SCGB2B2: variants seen among roughly 807,000 people sequenced by gnomAD.
The protein encoded by SCGB2B2 is secretoglobin-like protein.
Under a neutral mutation model 7.6 loss-of-function variants are expected in SCGB2B2, and 11 were observed. The ratio of observed to expected loss-of-function variants is 1.45; its 90% CI spans 0.91 to 2.40. SCGB2B2 has a LOEUF of 2.40. Ranked by LOEUF, SCGB2B2 falls within the 30% of genes most tolerant of loss-of-function variation. SCGB2B2 has a pLI of 0.00. For synonymous variants in SCGB2B2, 50 were observed against 48.6 expected (o/e 1.03, Z -0.12); for missense variants, 104 against 115.4 (o/e 0.90, Z 0.45).
rs542323922 is a variant in SCGB2B2, at chr19:34,607,199, G to A, written c.-2031-10605C>T. ...GGCATAATGTCCTACAGGTTCATCC[G>A]TATTGTTGAAAGGAGCAGGATTTCT... On this transcript the variant is annotated intron_variant, in intron 1 of 3. Transcript: ENST00000601241. Among the ~76,000 whole-genome samples, 178 of 152,320 alleles carry A rather than the reference G, an allele frequency of 1.2e-3. 1 individual carries two copies. Among genetic ancestry groups the A allele is most frequent in the African/African-American group, 4.0e-3 (165 of 41,566 alleles).
chr19:34,658,834 A>AAAG (rs1555749405), intron 1 of SCGB2B2, among the ~76,000 whole-genome samples: 18 of 118,818 alleles, frequency 1.5e-4, no homozygotes, highest in Non-Finnish European at 3.1e-4. Flanking sequence ...AAAAAAAAAA[A>AAAG]AGAGAGAGAA....
chr19:34,597,010 C>T (rs550424802), intron 1 of SCGB2B2, among the ~76,000 whole-genome samples: 1 of 151,588 alleles, frequency 6.6e-6, no homozygotes, highest in African/African-American at 2.4e-5. Context: ...GGACCTGAGG[C>T]CCCTCTGGGC....
At chr19:34,657,508 C>T (rs1054840782) in intron 1 of SCGB2B2, among the ~76,000 whole-genome samples, 1 of 151,788 alleles carries the variant, frequency 6.6e-6, no homozygotes, top group African/African-American at 2.4e-5. Flanking sequence ...CAAAGAAGGC[C>T]ACTACATAAT....
rs1368548597 is a variant in SCGB2B2, at chr19:34,626,640, C to T, written c.-2031-30046G>A. Among the ~76,000 whole-genome samples the T allele has an allele frequency of 2.0e-5, 3 of 152,084 alleles. No homozygotes were observed. In the East Asian group the frequency reaches 5.8e-4, roughly 29 times the overall value. ...ACCAAATCTATGTCTGATTGGTGTA[C>T]CTGAAAGTGATGGGGAGAATGGAAC... is the stretch of plus-strand genomic sequence containing the variant. On this transcript the variant is annotated intron_variant, in intron 1 of 3. Transcript: ENST00000601241.
At chr19:34,654,884 A>G (rs1355418484) in intron 1 of SCGB2B2, among the ~76,000 whole-genome samples, 1 of 151,160 alleles carries the variant, frequency 6.6e-6, no homozygotes, top group Non-Finnish European at 1.5e-5. Flanking sequence ...CCCATCAATT[A>G]AACCCTCTGC....
intron 1 of SCGB2B2, among the ~76,000 whole-genome samples, chr19:34,603,047 A>T (rs1435706018): frequency 1.3e-5 from 2 of 152,344 alleles, no homozygotes; most frequent in East Asian, 3.8e-4. Context: ...ATCTTTAAAA[A>T]TTTTAATTTA....
chr19:34,619,546 A>G (rs1243685958), intron 1 of SCGB2B2, among the ~76,000 whole-genome samples: 1 of 152,228 alleles, frequency 6.6e-6, no homozygotes, highest in Non-Finnish European at 1.5e-5. Context: ...AGCAATTTTT[A>G]TGAGATGTAG....
chr19:34,628,542 A>G (rs1338126867), intron 1 of SCGB2B2, among the ~76,000 whole-genome samples: 4 of 151,956 alleles, frequency 2.6e-5, no homozygotes, highest in Non-Finnish European at 5.9e-5. Context: ...TCCTGGACAC[A>G]TACACCCTCC....
intron 1 of SCGB2B2, among the ~76,000 whole-genome samples, chr19:34,671,602 T>C (rs2067804891): frequency 6.6e-6 from 1 of 152,082 alleles, no homozygotes; most frequent in Non-Finnish European, 1.5e-5. Context: ...TTGAGTGTTC[T>C]AATCCATAAA....
At chr19:34,598,925 C>A (rs1287825274) in intron 1 of SCGB2B2, among the ~76,000 whole-genome samples, 1 of 152,252 alleles carries the variant, frequency 6.6e-6, no homozygotes, top group East Asian at 1.9e-4. Context: ...CCACTCAAAT[C>A]TGGCCTTGGG....
At chr19:34,661,962 C>T (rs1225516912) in intron 1 of SCGB2B2, among the ~76,000 whole-genome samples, 3 of 152,034 alleles carry the variant, frequency 2.0e-5, no homozygotes, top group Non-Finnish European at 2.9e-5. Flanking sequence ...TCATCGTAAC[C>T]TCTGCCTCCC....
intron 1 of SCGB2B2, among the ~76,000 whole-genome samples, chr19:34,602,765 T>G (rs1391234709): frequency 1.3e-5 from 2 of 152,166 alleles, no homozygotes; most frequent in African/African-American, 4.8e-5. Flanking sequence ...CTTATCTCCC[T>G]TTAGATATTT....
chr19:34,603,564 C>T (rs1306724618), intron 1 of SCGB2B2, among the ~76,000 whole-genome samples: 1 of 152,108 alleles, frequency 6.6e-6, no homozygotes, highest in African/African-American at 2.4e-5. Flanking sequence ...TGATCTAAGT[C>T]CATTCTAAGG....
intron 1 of SCGB2B2, among the ~76,000 whole-genome samples, chr19:34,652,687 A>G (rs1049493581): frequency 6.6e-6 from 1 of 151,346 alleles, no homozygotes; most frequent in African/African-American, 2.5e-5. Flanking sequence ...AATGGCTACT[A>G]TGAAAAAGAC....
intron 1 of SCGB2B2, among the ~76,000 whole-genome samples, chr19:34,599,752 T>C (rs1437832979): frequency 6.6e-6 from 1 of 152,046 alleles, no homozygotes; most frequent in East Asian, 1.9e-4. Context: ...CCCTGTTCTC[T>C]CCCTCTTCCC....
intron 1 of SCGB2B2, 90 bp from the exon 2 acceptor site, chr19:34,596,684 G>A (rs1175969455): frequency 6.6e-6 from 1 of 152,270 alleles, no homozygotes; most frequent in Admixed American, 6.5e-5. Flanking sequence ...ACACCATTTG[G>A]GGACCCTCCC....
At chr19:34,631,363 T>C (rs1431521917) in intron 1 of SCGB2B2, among the ~76,000 whole-genome samples, 2 of 151,666 alleles carry the variant, frequency 1.3e-5, no homozygotes, top group South Asian at 2.1e-4. Flanking sequence ...AGTCTTAGTA[T>C]ATTTTATCTG....
At chr19:34,594,128 G>A in intron 3 of SCGB2B2, 47 bp downstream of exon 3, 1 of 1,478,468 alleles carries the variant, frequency 6.8e-7, no homozygotes, top group Non-Finnish European at 9.4e-7. Flanking sequence ...TGCAAGCCTG[G>A]GACGTGTGGC....
intron 1 of SCGB2B2, among the ~76,000 whole-genome samples, chr19:34,624,750 ATCT>A (rs1350467925): frequency 6.6e-6 from 1 of 152,116 alleles, no homozygotes; most frequent in African/African-American, 2.4e-5. Flanking sequence ...TGATGGCTAG[ATCT>A]TCTGTGAAAG....
Sources: allele counts gnomAD v4.1 joint callset (sites outside exome capture counted in the v4.1 genomes callset), GRCh38; gene constraint gnomAD v4.1.1; transcripts MANE v1.5; gene names NCBI Gene and HGNC (gene_info 2026-07-23, HGNC 2026-07-21).